MAN2C1: variants seen among roughly 807,000 people sequenced by gnomAD.
The protein encoded by MAN2C1 is alpha-mannosidase 2C1.
In MAN2C1, 111 loss-of-function variants were observed where a neutral mutation model predicts 126.9. The ratio of observed to expected loss-of-function variants is 0.87; its 90% CI spans 0.75 to 1.02. MAN2C1 has a LOEUF of 1.02. MAN2C1 is among the 50% of genes least tolerant of loss of function. The probability of loss-of-function intolerance (pLI) is 0.00; values close to 1 mark genes in which losing one functional copy is unlikely to be tolerated. For synonymous variants in MAN2C1, 567 were observed against 561.5 expected (o/e 1.01, Z -0.14); for missense variants, 1,363 against 1,364.4 (o/e 1.00, Z 0.02).
chr15:75,362,645 G>A lies in MAN2C1; in HGVS notation c.894C>T (p.Ser298=). 6.2e-7 allele frequency: 1 copy of A among 1,614,030 alleles called. No individual in the cohort carries two copies. Among genetic ancestry groups the A allele is most frequent in the Non-Finnish European group, 8.5e-7 (1 of 1,179,986 alleles). The change falls in exon 7 of 26, where the codon TCC becomes TCT. Residue 298 remains serine, a synonymous_variant. Transcript: ENST00000267978. The surrounding 1 kb of genome is among the most constrained non-coding windows in gnomAD (Gnocchi z 4.5). ...CCCTCACAGCTGTCCCTCTGACCTG[G>A]GAGCAGGCAAAGATGAACTCAGGGT... ...ERNPEFIFAC[S]QAQQLEWVKS... is the part of the protein sequence containing the mutation.
chr15:75,367,872 C>A (rs1159832637), intron 2 of MAN2C1: 2 of 898,014 alleles, frequency 2.2e-6, no homozygotes, highest in African/African-American at 1.7e-5. Context: ...CAGAGGCGGC[C>A]ACGTGGGAAT....
chr15:75,360,338 T>C, intron 13 of MAN2C1, 127 bp from the exon 14 acceptor site: 1 of 1,405,822 alleles, frequency 7.1e-7, no homozygotes, highest in Non-Finnish European at 9.7e-7. Flanking sequence ...CTCTGGCGGG[T>C]GACCTGCCTT....
chr15:75,368,475 G>A lies in MAN2C1; in HGVS notation c.101+8C>T. 1 of 1,549,476 alleles carries A rather than the reference G, an allele frequency of 6.5e-7. No homozygotes were observed. Among genetic ancestry groups the A allele is most frequent in the Non-Finnish European group, 8.7e-7 (1 of 1,146,214 alleles). ...GGTCGGCCGGCTGCGGGGGACCAGGGGCCACACCTGCCGCGGAGGTTACAG... is the reference window on the plus strand; with the variant it reads ...GGTCGGCCGGCTGCGGGGGACCAGGAGCCACACCTGCCGCGGAGGTTACAG... On this transcript the variant is annotated splice_region_variant and intron_variant, in intron 1 of 25. Coordinates refer to ENST00000267978, the MANE Select transcript of MAN2C1 (RefSeq NM_006715.4).
intron 6 of MAN2C1, chr15:75,363,730 C>T (rs1460065775): frequency 9.6e-6 from 4 of 414,914 alleles, no homozygotes; most frequent in South Asian, 7.9e-5. Context: ...CGCCTGAACC[C>T]GGGAGGCAGA....
intron 4 of MAN2C1, 128 bp downstream of exon 4, chr15:75,366,394 A>G: frequency 1.3e-6 from 1 of 757,182 alleles, no homozygotes; most frequent in Non-Finnish European, 2.2e-6. Flanking sequence ...AAAAGCAAAC[A>G]ATGAGATGTG....
Position 75,360,291 on chromosome 15 carries a change from A to G in MAN2C1, c.1585-80T>C, listed in dbSNP as rs1458942370. On this transcript the variant is annotated intron_variant, in intron 13 of 25. Transcript: ENST00000267978. ...CTTCCAAAGCCCTCCCTTGCTCAGA[A>G]TCCCTGAGGACTCACCAAGGGCCTC... is the stretch of plus-strand genomic sequence containing the variant. 3 of 1,568,914 alleles carry G rather than the reference A, an allele frequency of 1.9e-6. No homozygotes were observed. In the East Asian group the frequency reaches 6.7e-5, roughly 35 times the overall value.
chr15:75,357,007 C>T (rs944532939), intron 21 of MAN2C1, 105 bp from the exon 22 acceptor site: 15 of 885,072 alleles, frequency 1.7e-5, no homozygotes, highest in Non-Finnish European at 2.7e-5. Context: ...TAGAACCACA[C>T]AACTGAACTC....
chr15:75,358,417 C>A (rs779214874), intron 20 of MAN2C1, 45 bp downstream of exon 20: 2 of 1,613,018 alleles, frequency 1.2e-6, no homozygotes, highest in South Asian at 2.2e-5. Context: ...CCCCTCCTTA[C>A]CAAGCACACT....
rs149441345 is a variant in MAN2C1, at chr15:75,356,971, C to T, written c.2548-69G>A. 154 of 1,295,326 alleles carry T rather than the reference C, an allele frequency of 1.2e-4. No homozygotes were observed. In the African/African-American group the frequency reaches 2.1e-3, roughly 18 times the overall value. The allele number at this position is 1,295,326 out of a possible 1,614,324, so 80.2% of individuals were successfully genotyped here. A position where few individuals can be genotyped will look rare whatever the true frequency, so the allele number is the denominator to read the frequency against. On this transcript the variant is annotated intron_variant, in intron 21 of 25. Transcript: ENST00000267978. This position sits in a 1 kb window ranked among gnomAD's most constrained non-coding sequence, Gnocchi z 5.8. Reference sequence around the variant, plus strand: ...CTTTGTGCTCCCAGACTCCAGAGCTCCTGTCACTAGGCCGAGCACAAGCTC... The same window carrying T: ...CTTTGTGCTCCCAGACTCCAGAGCTTCTGTCACTAGGCCGAGCACAAGCTC...
Position 75,359,385 on chromosome 15 carries a change from A to G in MAN2C1, c.1989T>C (p.Pro663=), listed in dbSNP as rs755077938. ...GCAGGGGCTGCAGTGAGGTGGGGGG[A>G]GGAACAGGAGCATAGCCCATGCTGG... ...TVPSMGYAPV[P]PPTSLQPLLP... is the part of the protein sequence containing the mutation. Residue 663 remains proline, a synonymous_variant, in exon 17 of 26, where the codon CCT becomes CCC. Transcript: ENST00000267978. 1.2e-6 allele frequency: 2 copies of G among 1,607,726 alleles called. No individual in the cohort carries two copies. The highest frequency in any genetic ancestry group is 1.7e-6 in the Non-Finnish European group (2 of 1,177,706).
rs1303855165 is a variant in MAN2C1, at chr15:75,361,316, G to C, written c.1284C>G (p.Asp428Glu). 1.9e-6 allele frequency: 3 copies of C among 1,568,982 alleles called. No homozygotes were observed. The highest frequency in any genetic ancestry group is 2.6e-6 in the Non-Finnish European group (3 of 1,156,440). ...CCACGCTGCCCTGCATCCCATAGGA[G>C]TCGCCAGGTGGGAAGTGGACCAGTA... Reference protein sequence around the residue: ...SRVLVHFPPGDSYGMQGSVEE... With the variant: ...SRVLVHFPPGESYGMQGSVEE... Residue 428 changes from aspartate to glutamate, a missense_variant, in exon 11 of 26, where the codon GAC becomes GAG. Asp to Glu is a conservative substitution (Grantham distance 45, BLOSUM62 2). Coordinates refer to ENST00000267978, the MANE Select transcript of MAN2C1 (RefSeq NM_006715.4). The surrounding 1 kb of genome is among the most constrained non-coding windows in gnomAD (Gnocchi z 5.0).
chr15:75,360,896 C>T, intron 12 of MAN2C1, 150 bp downstream of exon 12: 1 of 1,234,192 alleles, frequency 8.1e-7, no homozygotes, highest in Non-Finnish European at 1.1e-6. Context: ...CCCCCACCCA[C>T]CCCCAGGGTG....
intron 3 of MAN2C1, 46 bp from the exon 4 acceptor site, chr15:75,366,638 C>T (rs749277889): frequency 2.2e-5 from 32 of 1,465,754 alleles, no homozygotes; most frequent in Non-Finnish European, 2.8e-5. Context: ...GGCTTTTGGA[C>T]AGTTCAGGTA....
At position 75,358,762 on chromosome 15, in the gene MAN2C1, C is replaced by T. The variant is rs780731240; in HGVS notation, c.2188G>A (p.Asp730Asn). The T allele has an allele frequency of 1.2e-6, 2 of 1,613,948 alleles. No individual in the cohort carries two copies. The highest frequency in any genetic ancestry group is 2.7e-5 in the African/African-American group (2 of 74,914). ...GAVGNQFVLF[D>N]DVPLYWDAWD... ...GCATCCCAGTACAAGGGGACATCAT[C>T]AAATAGCACAAACTGGTTCCCCACG... is the stretch of plus-strand genomic sequence containing the variant. The change falls in exon 19 of 26, where the codon GAT (aspartate) becomes AAT (asparagine). Residue 730 changes from aspartate to asparagine, a missense_variant. Around this residue, in one of 3 missense-constraint regions of MAN2C1, gnomAD observed 668 missense variants for 650.1 expected, o/e 1.03. Transcript: ENST00000267978.
At position 75,356,266 on chromosome 15, in the gene MAN2C1, TC is replaced by T. The variant is rs551667420; in HGVS notation, c.2886+34del. 2.3e-4 allele frequency: 369 copies of T among 1,611,904 alleles called. 1 individual carries two copies. Among genetic ancestry groups the T allele is most frequent in the Non-Finnish European group, 3.0e-4 (349 of 1,179,318 alleles). ...GGGAGGGGCCGAGGGCAGGCCCAGT[TC>T]GGAACCCCGTCCCCAGCACGTCCCA... On this transcript the variant is annotated intron_variant, in intron 24 of 25. Coordinates refer to ENST00000267978, the MANE Select transcript of MAN2C1 (RefSeq NM_006715.4). This position sits in a 1 kb window ranked among gnomAD's most constrained non-coding sequence, Gnocchi z 5.8.
chr15:75,359,531 G>A (rs2072422123), intron 16 of MAN2C1, 89 bp downstream of exon 16: 1 of 1,565,274 alleles, frequency 6.4e-7, no homozygotes, highest in Non-Finnish European at 8.7e-7. Context: ...CCAGTCAGGG[G>A]CACCCAGATC....
At position 75,361,280 on chromosome 15, in the gene MAN2C1, C is replaced by T. The variant is rs1259040325; in HGVS notation, c.1314+6G>A. On this transcript the variant is annotated splice_donor_region_variant and intron_variant, in intron 11 of 25. Transcript: ENST00000267978. This position sits in a 1 kb window ranked among gnomAD's most constrained non-coding sequence, Gnocchi z 5.0. ...CCCTACCCCACCACCCTAGGTGACC[C>T]CTCACCTCCTCCACGCTGCCCTGCA... The T allele has an allele frequency of 1.3e-6, 2 of 1,572,402 alleles. No individual in the cohort carries two copies. The highest frequency in any genetic ancestry group is 1.9e-5 in the Admixed American group (1 of 52,298).
chr15:75,360,615 C>G lies in MAN2C1; in HGVS notation c.1534G>C (p.Gly512Arg), dbSNP rs2072447110. Residue 512 changes from glycine (G) to arginine (R), a missense_variant, in exon 13 of 26, where the codon GGG becomes CGG. Around this residue, in one of 3 missense-constraint regions of MAN2C1, gnomAD observed 67 missense variants for 104.5 expected, o/e 0.64. Transcript: ENST00000267978. The part of the protein sequence containing the change: ...SDSEQLCTWV[G>R]ELFLELHNGT... ...TTGTGCAGCTCCAAGAAGAGCTCCC[C>G]AACCCACGTGCACAGCTGCTCTGAG... 1 of 1,613,854 alleles carries G rather than the reference C, an allele frequency of 6.2e-7. No homozygotes were observed. The highest frequency in any genetic ancestry group is 8.5e-7 in the Non-Finnish European group (1 of 1,180,018).
rs778045672 is a variant in MAN2C1 at position 75,355,884 on chromosome 15, AC to A, written c.*21del. 1 of 1,612,814 alleles carries A rather than the reference AC, an allele frequency of 6.2e-7. No homozygotes were observed. On this transcript the variant is annotated 3_prime_UTR_variant, in exon 26 of 26. Coordinates refer to ENST00000267978, the MANE Select transcript of MAN2C1 (RefSeq NM_006715.4). ...TAGGAGTCCCCAGAGCCTTCTACAA[AC>A]AAAACCCCAGCCCCAGGGACTCAGT...
Sources: allele counts gnomAD v4.1 joint callset, GRCh38; gene constraint gnomAD v4.1.1; regional missense constraint gnomAD v4.1.1; non-coding constraint Gnocchi (gnomAD v3.1); transcripts MANE v1.5; gene names NCBI Gene and HGNC (gene_info 2026-07-23, HGNC 2026-07-21).